CERKL: variants seen among roughly 807,000 people sequenced by gnomAD.
CERKL encodes the protein ceramide kinase-like protein.
Under a neutral mutation model 63.4 loss-of-function variants are expected in CERKL, and 61 were observed. That is an observed-to-expected ratio of 0.96 (90% CI 0.78 to 1.19). The LOEUF (loss-of-function observed/expected upper bound fraction) is 1.19. Ranked by LOEUF, CERKL falls within the 50% of genes most tolerant of loss-of-function variation. The pLI is 0.00. For missense variants in CERKL, 675 were observed against 655.5 expected (o/e 1.03, Z -0.33); for synonymous variants, 250 against 230.5 (o/e 1.08, Z -0.77).
intron 2 of CERKL, among the ~76,000 whole-genome samples, chr2:181,576,127 TAAAC>T (rs1387197844): frequency 2.0e-5 from 3 of 152,160 alleles, no homozygotes; most frequent in South Asian, 2.1e-4. Context: ...ATACTGACAC[TAAAC>T]AAACAAAAGA....
At chr2:181,655,970 G>A (rs1309250196) in intron 1 of CERKL, among the ~76,000 whole-genome samples, 4 of 152,160 alleles carry the variant, frequency 2.6e-5, no homozygotes, top group Non-Finnish European at 4.4e-5. Context: ...TTGCAAAATG[G>A]TCTTTATAAA....
chr2:181,549,828 T>C, intron 5 of CERKL, 120 bp from the exon 6 acceptor site: 2 of 751,904 alleles, frequency 2.7e-6, no homozygotes, highest in Non-Finnish European at 4.8e-6. Context: ...CGAGAATTTA[T>C]AAAATCAGGA....
chr2:181,651,112 A>G (rs190420184), intron 1 of CERKL, among the ~76,000 whole-genome samples: 38 of 152,318 alleles, frequency 2.5e-4, no homozygotes, highest in African/African-American at 8.2e-4. Context: ...TAACAAACCA[A>G]TATCAATTCC....
In CERKL at chr2:181,616,263, A is replaced by C. The variant is rs1010911060; in HGVS notation, c.239-12184T>G. The stretch of plus-strand genomic sequence containing the variant: ...GAGTCTCACTCTGTCACCCAGGCTG[A>C]AGTGCAGTGGTGCGATCTTGGCTCA... On this transcript the variant is annotated intron_variant, in intron 1 of 12. Coordinates refer to ENST00000410087, the MANE Select transcript of CERKL (RefSeq NM_201548.5). Among the ~76,000 whole-genome samples the C allele has an allele frequency of 2.8e-5, 4 of 140,666 alleles. No individual in the cohort carries two copies. The East Asian group carries it at 8.2e-4, about 29-fold the overall frequency. 92.3% of individuals were successfully genotyped at this position (140,666 alleles called of 152,430 possible). A position where few individuals can be genotyped will look rare whatever the true frequency, so the allele number is the denominator to read the frequency against.
Position 181,596,641 on chromosome 2 carries a change from A to G in CERKL, c.481+7196T>C, listed in dbSNP as rs183459901. Among the ~76,000 whole-genome samples the G allele has an allele frequency of 1.3e-4, 20 of 152,360 alleles. No homozygotes were observed. The East Asian group carries it at 3.3e-3, about 25-fold the overall frequency. ...ATTGCTTAACTTTTAATAATATTTA[A>G]TAAGAATATAGCATGTTCTGTCACC... On this transcript the variant is annotated intron_variant, in intron 2 of 12. Transcript: ENST00000410087.
chr2:181,645,251 AG>A, intron 1 of CERKL, among the ~76,000 whole-genome samples: 2 of 152,332 alleles, frequency 1.3e-5, no homozygotes, highest in Middle Eastern at 6.8e-3. Flanking sequence ...GTTGGTATCA[AG>A]TATATAGGAA....
At chr2:181,564,078 G>T (rs964147944) in intron 4 of CERKL, among the ~76,000 whole-genome samples, 7 of 151,976 alleles carry the variant, frequency 4.6e-5, no homozygotes, top group Non-Finnish European at 8.8e-5. Context: ...TAGATCCCTC[G>T]CATGACCAGT....
At chr2:181,650,784 A>ATTTTTTTCTTTCTTTCTTTTTTTTTG (rs1687897391) in intron 1 of CERKL, among the ~76,000 whole-genome samples, 1 of 151,944 alleles carries the variant, frequency 6.6e-6, no homozygotes, top group Non-Finnish European at 1.5e-5. Context: ...AAAGAAAAAA[A>ATTTTTTTCTTTCTTTCTTTTTTTTTG]AGAACAGAAC....
chr2:181,588,552 TA>T (rs1043050442), intron 2 of CERKL, among the ~76,000 whole-genome samples: 28 of 152,164 alleles, frequency 1.8e-4, no homozygotes, highest in Admixed American at 1.8e-3. Context: ...AATGCTGCAA[TA>T]ATCACTAAAA....
chr2:181,565,387 G>A, intron 4 of CERKL: 2 of 1,351,948 alleles, frequency 1.5e-6, no homozygotes, highest in Non-Finnish European at 2.1e-6. Context: ...TTAGCAAATT[G>A]GTTCACCTAA....
intron 2 of CERKL, among the ~76,000 whole-genome samples, chr2:181,581,550 T>C (rs751939189): frequency 3.3e-4 from 51 of 152,288 alleles, no homozygotes; most frequent in Middle Eastern, 3.4e-3. Context: ...AAAAGCAATA[T>C]TATATAGGAT....
At chr2:181,622,839 T>C (rs1194501518) in intron 1 of CERKL, among the ~76,000 whole-genome samples, 2 of 152,198 alleles carry the variant, frequency 1.3e-5, no homozygotes, top group East Asian at 1.9e-4. Context: ...AATACAATTA[T>C]GGTCCCAAAG....
chr2:181,610,313 T>C (rs552584495), intron 1 of CERKL, among the ~76,000 whole-genome samples: 32 of 152,326 alleles, frequency 2.1e-4, no homozygotes, highest in African/African-American at 6.5e-4. Flanking sequence ...TTTTGCCTTT[T>C]AGATTGGCAC....
chr2:181,577,654 T>C (rs1401231559), intron 2 of CERKL, among the ~76,000 whole-genome samples: 1 of 151,648 alleles, frequency 6.6e-6, no homozygotes, highest in Admixed American at 6.6e-5. Flanking sequence ...TTGAGGAGGG[T>C]TGGGGACAGT....
At chr2:181,651,216 T>C (rs965135367) in intron 1 of CERKL, among the ~76,000 whole-genome samples, 1 of 152,092 alleles carries the variant, frequency 6.6e-6, no homozygotes, top group Non-Finnish European at 1.5e-5. Context: ...CAGATAACAA[T>C]ACAACACAGG....
intron 1 of CERKL, among the ~76,000 whole-genome samples, chr2:181,649,137 A>C (rs1412980016): frequency 6.6e-6 from 1 of 152,222 alleles, no homozygotes; most frequent in East Asian, 1.9e-4. Context: ...ACTGGAAAAA[A>C]AACTCAGCTA....
At chr2:181,609,312 A>G (rs1328675717) in intron 1 of CERKL, among the ~76,000 whole-genome samples, 2 of 142,754 alleles carry the variant, frequency 1.4e-5, no homozygotes, top group East Asian at 4.2e-4. Context: ...TCTCCGTGGT[A>G]TTTTTTGATG....
chr2:181,647,077 AAAG>A (rs1687700430), intron 1 of CERKL, among the ~76,000 whole-genome samples: 1 of 152,226 alleles, frequency 6.6e-6, no homozygotes, highest in Non-Finnish European at 1.5e-5. Context: ...GCTAAAAACC[AAAG>A]AAAGAAAGTG....
At chr2:181,644,867 G>C (rs1329564785) in intron 1 of CERKL, among the ~76,000 whole-genome samples, 1 of 152,194 alleles carries the variant, frequency 6.6e-6, no homozygotes, top group African/African-American at 2.4e-5. Flanking sequence ...AGCTGGAACA[G>C]CAAGAAAGCT....
Sources: allele counts gnomAD v4.1 joint callset (sites outside exome capture counted in the v4.1 genomes callset), GRCh38; gene constraint gnomAD v4.1.1; transcripts MANE v1.5; gene names NCBI Gene and HGNC (gene_info 2026-07-23, HGNC 2026-07-21).